Variants in ANO4 observed in about 807,000 individuals in gnomAD.
ANO4 encodes the protein anoctamin 4.
In ANO4, 69 loss-of-function variants were observed where a neutral mutation model predicts 141.9. The observed-to-expected ratio is 0.49, with a 90% CI of 0.40 to 0.59. The LOEUF is 0.59. ANO4 is among the 20% of genes least tolerant of loss of function. The pLI is 0.00. For synonymous variants in ANO4, 350 were observed against 394.3 expected, an observed-to-expected ratio of 0.89 and a Z score of 1.33; for missense variants, 894 against 1,162.2, an observed-to-expected ratio of 0.77 and a Z score of 3.36.
chr12:100,731,484 C>T (rs528371026), intron 1 of ANO4, among the ~76,000 whole-genome samples: 67 of 152,264 alleles, frequency 4.4e-4, no homozygotes, highest in African/African-American at 1.5e-3. Context: ...GCATTTGTTA[C>T]AATTGATAAA....
chr12:100,884,787 C>G (rs1027670479), intron 1 of ANO4, among the ~76,000 whole-genome samples: 2 of 152,180 alleles, frequency 1.3e-5, no homozygotes, highest in African/African-American at 4.8e-5. Flanking sequence ...CTCTGCCTCC[C>G]GCATTCAAGC....
intron 22 of ANO4, among the ~76,000 whole-genome samples, chr12:101,103,376 ATACT>A (rs2050288532): frequency 6.6e-6 from 1 of 151,068 alleles, no homozygotes; most frequent in Non-Finnish European, 1.5e-5. Flanking sequence ...TGTTTTGTAC[ATACT>A]TTTTATTATT....
chr12:100,897,101 C>G (rs989732646), intron 1 of ANO4, among the ~76,000 whole-genome samples: 1 of 152,192 alleles, frequency 6.6e-6, no homozygotes, highest in Non-Finnish European at 1.5e-5. Flanking sequence ...TTGTACTAAC[C>G]TCACCTTATC....
chr12:101,052,462 T>C lies in ANO4; in HGVS notation c.1312+4061T>C, dbSNP rs575356074. On this transcript the variant is annotated intron_variant, in intron 14 of 27. Transcript: ENST00000392977. ...ACAGATTATTTCCCTCTGTTCTGTT[T>C]CTGGTTTGGTTTGTTTTTTTTCTCT... 2.8e-4 allele frequency among the ~76,000 whole-genome samples: 43 copies of C among 152,290 alleles called. 1 individual carries two copies. In the South Asian group the frequency reaches 9.0e-3, roughly 32 times the overall value.
intron 8 of ANO4, among the ~76,000 whole-genome samples, chr12:101,004,435 G>A (rs1387526867): frequency 6.6e-6 from 1 of 152,124 alleles, no homozygotes; most frequent in African/African-American, 2.4e-5. Context: ...AGCTGCCATT[G>A]TGAGGTCAGA....
rs556631649 is a variant in ANO4, at chr12:101,067,703, A to C, written c.1313-11490A>C. Among the ~76,000 whole-genome samples, 8 of 152,316 alleles carry C rather than the reference A, an allele frequency of 5.3e-5. No individual in the cohort carries two copies. The East Asian group carries it at 1.2e-3, about 22-fold the overall frequency. On this transcript the variant is annotated intron_variant, in intron 14 of 27. Coordinates refer to ENST00000392977, the MANE Select transcript of ANO4 (RefSeq NM_001286615.2). ...GTCTCCCAAAAACAAAAAAGTGCTC[A>C]AGGAGGCAGTTTTCAGCCCTTGATT...
chr12:100,912,174 T>G (rs2041129403), intron 2 of ANO4, among the ~76,000 whole-genome samples: 1 of 151,924 alleles, frequency 6.6e-6, no homozygotes, highest in Non-Finnish European at 1.5e-5. Context: ...GGTGGGCGGA[T>G]CACCTGAGGT....
chr12:101,120,856 T>A (rs1405423314), intron 26 of ANO4, among the ~76,000 whole-genome samples: 3 of 152,232 alleles, frequency 2.0e-5, no homozygotes. Flanking sequence ...TCTGAACTCG[T>A]TGCTCCTAAA....
intron 1 of ANO4, among the ~76,000 whole-genome samples, chr12:100,815,633 A>C (rs1376138545): frequency 6.6e-6 from 1 of 152,136 alleles, no homozygotes; most frequent in Non-Finnish European, 1.5e-5. Context: ...ATTGTATATA[A>C]ATGGTAATTC....
intron 9 of ANO4, among the ~76,000 whole-genome samples, chr12:101,023,857 A>T: frequency 6.6e-6 from 1 of 152,220 alleles, no homozygotes; most frequent in East Asian, 1.9e-4. Context: ...TAAATAAAAG[A>T]AATAATATGT....
At chr12:101,031,131 A>G (rs961306925) in intron 9 of ANO4, among the ~76,000 whole-genome samples, 7 of 152,222 alleles carry the variant, frequency 4.6e-5, no homozygotes, top group Admixed American at 1.3e-4. Flanking sequence ...GACACAACAA[A>G]AAATAGAGAA....
At chr12:100,845,163 G>T (rs1368964000) in intron 1 of ANO4, among the ~76,000 whole-genome samples, 1 of 152,138 alleles carries the variant, frequency 6.6e-6, no homozygotes. Flanking sequence ...GTGTAGGTGG[G>T]TGGAGAAAAG....
At chr12:101,122,458 C>T (rs2051136392) in intron 26 of ANO4, among the ~76,000 whole-genome samples, 1 of 152,010 alleles carries the variant, frequency 6.6e-6, no homozygotes, top group Non-Finnish European at 1.5e-5. Context: ...AATTCTTTGC[C>T]CAGGCCAGTA....
intron 17 of ANO4, among the ~76,000 whole-genome samples, chr12:101,087,338 T>A (rs937164959): frequency 6.8e-6 from 1 of 148,102 alleles, no homozygotes; most frequent in Non-Finnish European, 1.5e-5. Flanking sequence ...GGTAACATAG[T>A]GGGACCTTGT....
chr12:100,858,490 G>C (rs2038300311), intron 1 of ANO4, among the ~76,000 whole-genome samples: 1 of 152,106 alleles, frequency 6.6e-6, no homozygotes, highest in African/African-American at 2.4e-5. Context: ...TATGGGTGTG[G>C]ATTGTATAAT....
At chr12:100,743,854 C>T (rs973646291) in intron 3 of ANO4, among the ~76,000 whole-genome samples, 7 of 152,158 alleles carry the variant, frequency 4.6e-5, no homozygotes, top group Non-Finnish European at 8.8e-5. Context: ...TTTTAATCCT[C>T]ACCCTCCTCC....
At chr12:100,996,231 G>C (rs1012695291) in intron 8 of ANO4, among the ~76,000 whole-genome samples, 22 of 152,194 alleles carry the variant, frequency 1.4e-4, no homozygotes, top group African/African-American at 5.1e-4. Flanking sequence ...AAGACCACCT[G>C]ACACAAAATT....
chr12:100,721,503 T>C (rs2030865319), intron 1 of ANO4, among the ~76,000 whole-genome samples: 1 of 152,050 alleles, frequency 6.6e-6, no homozygotes, highest in Non-Finnish European at 1.5e-5. Flanking sequence ...GGGAGAAATG[T>C]CAGGGGTGTG....
intron 22 of ANO4, among the ~76,000 whole-genome samples, chr12:101,106,575 A>ATG (rs988952286): frequency 7.3e-6 from 1 of 136,752 alleles, no homozygotes; most frequent in Non-Finnish European, 1.5e-5. Context: ...GTGTGTGTGT[A>ATG]TATATATATA....
Sources: gnomAD v4.1 joint callset for allele counts (sites outside exome capture counted in the v4.1 genomes callset) on GRCh38, gnomAD v4.1.1 for gene constraint, MANE v1.5 for transcripts, NCBI Gene and HGNC (gene_info 2026-07-23, HGNC 2026-07-21) for gene names.